ESPL1: variants seen among roughly 807,000 people sequenced by gnomAD.
ESPL1 encodes extra spindle pole bodies like 1, separase.
A neutral mutation model predicts 217.2 loss-of-function variants in ESPL1; 50 were observed. The observed-to-expected ratio is 0.23, with a 90% confidence interval of 0.18 to 0.29. ESPL1 has a LOEUF of 0.29. Among genes scored for constraint, ESPL1 ranks in the 10% least tolerant of loss-of-function variants. ESPL1 has a pLI of 1.00. For missense variants in ESPL1, 1,834 were observed against 2,603.0 expected (o/e 0.70, Z 6.43); for synonymous variants, 994 against 1,081.3 (o/e 0.92, Z 1.58).
At position 53,282,534 on chromosome 12, in the gene ESPL1, GGC is replaced by G; in HGVS notation, c.2791+100_2791+101del. On this transcript the variant is annotated intron_variant, in intron 14 of 30. Coordinates refer to ENST00000257934, the MANE Select transcript of ESPL1 (RefSeq NM_012291.5). This position sits in a 1 kb window ranked among gnomAD's most constrained non-coding sequence, Gnocchi z 4.0. Reference sequence around the variant, plus strand: ...CATCCCCTCTGCTGGCTAACTATGTGGCCCAGCCTACCTAGAACCTGCACAGA... The same window carrying G: ...CATCCCCTCTGCTGGCTAACTATGTGCCAGCCTACCTAGAACCTGCACAGA... 2 of 1,134,878 alleles carry G rather than the reference GGC, an allele frequency of 1.8e-6. No homozygotes were observed. The highest frequency in any genetic ancestry group is 1.3e-6 in the Non-Finnish European group (1 of 781,862). The allele number at this position is 1,134,878 out of a possible 1,614,324, so 70.3% of individuals were successfully genotyped here.
intron 6 of ESPL1, among the ~76,000 whole-genome samples, chr12:53,273,851 T>G (rs1264965250): frequency 8.2e-5 from 9 of 109,618 alleles, no homozygotes; most frequent in Non-Finnish European, 1.3e-4. Context: ...TTTTTTTTTT[T>G]TTTTTTTTTT....
In ESPL1 at chr12:53,268,925, A is replaced by C. The variant is rs575434980; in HGVS notation, c.81+78A>C. On this transcript the variant is annotated intron_variant, in intron 2 of 30. Coordinates refer to ENST00000257934, the MANE Select transcript of ESPL1 (RefSeq NM_012291.5). ...TTGTGTTTGCCTTTTGAAGAGATGG[A>C]TAAGTAGGCGACCCTCTCTGAGTAA... 1.1e-4 allele frequency: 157 copies of C among 1,486,952 alleles called. 1 individual carries two copies. The highest frequency in any genetic ancestry group is 2.0e-4 in the Admixed American group (11 of 55,968). 92.1% of individuals were successfully genotyped at this position (1,486,952 alleles called of 1,614,324 possible).
chr12:53,276,204 T>TA (rs1334607847), intron 7 of ESPL1, among the ~76,000 whole-genome samples: 17 of 150,744 alleles, frequency 1.1e-4, no homozygotes, highest in South Asian at 2.1e-4. Context: ...TGAGACTGTC[T>TA]AAAAAAAAAC....
At chr12:53,281,458 T>C in intron 12 of ESPL1, 49 bp from the exon 13 acceptor site, 1 of 1,598,232 alleles carries the variant, frequency 6.3e-7, no homozygotes, top group Non-Finnish European at 8.5e-7. Flanking sequence ...CAGTTTTGTT[T>C]GAAGAGCCTG....
rs778998356 is a variant in ESPL1, at chr12:53,276,027, C to T, written c.1701-593C>T. ...ATCTCAGGGAGCCTGGGCAACAAAG[C>T]GAGACCTTGACTCTACTTAAAAAAT... On this transcript the variant is annotated intron_variant, in intron 7 of 30. Coordinates refer to ENST00000257934, the MANE Select transcript of ESPL1 (RefSeq NM_012291.5). Among the ~76,000 whole-genome samples the T allele has an allele frequency of 6.2e-4, 95 of 152,094 alleles. 2 individuals are homozygous for T. Among genetic ancestry groups the T allele is most frequent in the Non-Finnish European group, 3.5e-4 (24 of 67,992 alleles).
intron 13 of ESPL1, 129 bp downstream of exon 13, chr12:53,281,755 C>A: frequency 4.0e-5 from 35 of 865,672 alleles, no homozygotes; most frequent in South Asian, 1.3e-4. Context: ...GAGAGGCAGG[C>A]ATATTTCCTA....
In ESPL1 at chr12:53,283,663, C is replaced by T. The variant is rs1943900702; in HGVS notation, c.3077+125C>T. The stretch of plus-strand genomic sequence containing the variant: ...AGATACATTCGTGGAAAAAGGCATT[C>T]CACAGCTAAATAAGTGGGAAATGCT... On this transcript the variant is annotated intron_variant, in intron 16 of 30. Transcript: ENST00000257934. 3 of 907,028 alleles carry T rather than the reference C, an allele frequency of 3.3e-6. No homozygotes were observed. In the South Asian group the frequency reaches 4.9e-5, roughly 15 times the overall value. 56.2% of individuals were successfully genotyped at this position (907,028 alleles called of 1,614,324 possible). A position where few individuals can be genotyped will look rare whatever the true frequency, so the allele number is the denominator to read the frequency against.
At chr12:53,279,027 G>A (rs1943818918) in intron 11 of ESPL1, among the ~76,000 whole-genome samples, 1 of 152,170 alleles carries the variant, frequency 6.6e-6, no homozygotes, top group Non-Finnish European at 1.5e-5. Flanking sequence ...GAGTAGCTGG[G>A]ACTACAGGCG....
In ESPL1 at chr12:53,270,798, G is replaced by A. The variant is rs779567538; in HGVS notation, c.1369G>A (p.Ala457Thr). 2 of 1,613,954 alleles carry A rather than the reference G, an allele frequency of 1.2e-6. No individual in the cohort carries two copies. Among genetic ancestry groups the A allele is most frequent in the Admixed American group, 1.7e-5 (1 of 59,986 alleles). The change falls in exon 5 of 31, where the codon GCT becomes ACT. Residue 457 changes from alanine (A) to threonine (T), a missense_variant and splice_region_variant. Physicochemically the swap from Ala to Thr is moderately conservative, Grantham distance 58 (BLOSUM62 0). Coordinates refer to ENST00000257934, the MANE Select transcript of ESPL1 (RefSeq NM_012291.5). Reference sequence around the variant, plus strand: ...GCTGACGGACCACATGGGGATGACCGGTTAGTGCCCTGGGTCCCAGGCACA... The same window carrying A: ...GCTGACGGACCACATGGGGATGACCAGTTAGTGCCCTGGGTCCCAGGCACA... Reference protein sequence around the residue: ...QELTDHMGMTASYTSNLAYSF... With the variant: ...QELTDHMGMTTSYTSNLAYSF...
intron 7 of ESPL1, among the ~76,000 whole-genome samples, chr12:53,276,312 G>A (rs1476904405): frequency 2.6e-5 from 4 of 152,180 alleles, no homozygotes; most frequent in South Asian, 2.1e-4. Flanking sequence ...TGAGAAAGCC[G>A]GCATGCTGGG....
At position 53,286,651 on chromosome 12, in the gene ESPL1, A is replaced by C; in HGVS notation, c.3915A>C (p.Ser1305=). 6.2e-7 allele frequency: 1 copy of C among 1,614,186 alleles called. No homozygotes were observed. The highest frequency in any genetic ancestry group is 8.5e-7 in the Non-Finnish European group (1 of 1,180,040). Residue 1305 remains serine, a synonymous_variant, in exon 18 of 31, where the codon TCA becomes TCC. Coordinates refer to ENST00000257934, the MANE Select transcript of ESPL1 (RefSeq NM_012291.5). The surrounding 1 kb of genome is among the most constrained non-coding windows in gnomAD (Gnocchi z 5.3). ...CATTAATAAAAAGTGTCCCTGGCTC[A>C]GAGCCCTCTAAGACTCAGGGCCAAA... ...QPPLIKSVPG[S]EPSKTQGQKR...
At chr12:53,277,760 AG>A (rs1943796608) in intron 10 of ESPL1, 60 bp from the exon 11 acceptor site, 16 of 1,596,414 alleles carry the variant, frequency 1.0e-5, no homozygotes, top group Non-Finnish European at 1.3e-5. Flanking sequence ...TTATGGAGGA[AG>A]GGAAGTTCTC....
At chr12:53,285,653 G>A (rs1467029767) in intron 17 of ESPL1, among the ~76,000 whole-genome samples, 1 of 151,506 alleles carries the variant, frequency 6.6e-6, no homozygotes, top group Non-Finnish European at 1.5e-5. Context: ...AGCTTGCAGT[G>A]AGCTGAGATT....
Position 53,291,713 on chromosome 12 carries a change from C to T in ESPL1, c.5544C>T (p.Ala1848=). 2 of 1,613,944 alleles carry T rather than the reference C, an allele frequency of 1.2e-6. No homozygotes were observed. The highest frequency in any genetic ancestry group is 1.7e-4 in the Middle Eastern group (1 of 6,060). ...LLKIMLSGAG[A]LTPQDIQALA... ...AGATCATGCTCAGTGGTGCCGGTGCCCTCACCCCTCAGGACATTCAGGCCC... is the reference window on the plus strand; with the variant it reads ...AGATCATGCTCAGTGGTGCCGGTGCTCTCACCCCTCAGGACATTCAGGCCC... The change falls in exon 26 of 31, where the codon GCC becomes GCT. Residue 1848 remains alanine (A), a synonymous_variant. Coordinates refer to ENST00000257934, the MANE Select transcript of ESPL1 (RefSeq NM_012291.5).
At chr12:53,277,427 C>A in intron 9 of ESPL1, 43 bp from the exon 10 acceptor site, 2 of 1,599,914 alleles carry the variant, frequency 1.3e-6, no homozygotes, top group Non-Finnish European at 1.7e-6. Flanking sequence ...ACGATAGGCC[C>A]ACACCACTGT....
Position 53,290,900 on chromosome 12 carries a change from G to A in ESPL1, c.5424G>A (p.Pro1808=), listed in dbSNP as rs758970408. The A allele has an allele frequency of 8.1e-5, 131 of 1,607,396 alleles. No homozygotes were observed. The highest frequency in any genetic ancestry group is 5.6e-5 in the South Asian group (5 of 89,766). ...GCTGCTGGAAGGGGCTGCTGCTGCC[G>A]TCCAGTGAGGAGCCCGGCCCTGCCC... The part of the protein sequence containing the change: ...VLGCWKGLLL[P]SSEEPGPAQE... Residue 1808 remains proline, a synonymous_variant, in exon 25 of 31, where the codon CCG becomes CCA. Transcript: ENST00000257934.
chr12:53,271,616 G>A (rs1407344660), intron 5 of ESPL1, among the ~76,000 whole-genome samples: 3 of 151,374 alleles, frequency 2.0e-5, no homozygotes, highest in African/African-American at 4.9e-5. Context: ...AGCCAAGATT[G>A]CACCACTGCA....
Position 53,288,635 on chromosome 12 carries a change from A to C in ESPL1, c.4644A>C (p.Pro1548=). 1 of 1,614,002 alleles carries C rather than the reference A, an allele frequency of 6.2e-7. No homozygotes were observed. Among genetic ancestry groups the C allele is most frequent in the Non-Finnish European group, 8.5e-7 (1 of 1,180,034 alleles). ...AGAAGAAGCTGCCCAGCCCATGCCCAGACAAGGAGAGTGACAAGGACCTTG... is the reference window on the plus strand; with the variant it reads ...AGAAGAAGCTGCCCAGCCCATGCCCCGACAAGGAGAGTGACAAGGACCTTG... The part of the protein sequence containing the change: ...SSKKKLPSPC[P]DKESDKDLGP... The change falls in exon 20 of 31, where the codon CCA becomes CCC. Residue 1548 remains proline (P), a synonymous_variant. Transcript: ENST00000257934.
intron 22 of ESPL1, 162 bp from the exon 23 acceptor site, chr12:53,289,923 G>T: frequency 1.4e-6 from 1 of 706,042 alleles, no homozygotes. Context: ...CATGGTCTCT[G>T]TGCACAGGGA....
Sources: gnomAD v4.1 joint callset for allele counts (sites outside exome capture counted in the v4.1 genomes callset) on GRCh38, gnomAD v4.1.1 for gene constraint, Gnocchi (gnomAD v3.1) non-coding constraint, MANE v1.5 for transcripts, NCBI Gene and HGNC (gene_info 2026-07-23, HGNC 2026-07-21) for gene names.